The following MMP26 variants were observed in gnomAD, a reference collection of about 807,000 sequenced individuals.
MMP26 encodes matrix metallopeptidase 26, also known as matrix metalloproteinase-26.
Under a neutral mutation model 31.0 loss-of-function variants are expected in MMP26, and 33 were observed. That is an observed-to-expected ratio of 1.06 (90% CI 0.81 to 1.42). The LOEUF is 1.42. Among genes scored for constraint, MMP26 ranks in the 40% most tolerant of loss-of-function variants. The pLI, the probability that MMP26 is intolerant of heterozygous loss-of-function variation, is 0.00. For missense variants in MMP26, 347 were observed against 316.1 expected (o/e 1.10, Z -0.74); for synonymous variants, 122 against 114.9 (o/e 1.06, Z -0.40).
chr11:4,872,656 T>TCA (rs1312962667), intron 2 of MMP26, among the ~76,000 whole-genome samples: 16 of 152,032 alleles, frequency 1.1e-4, no homozygotes, highest in Admixed American at 1.1e-3. Context: ...TATAGTATGC[T>TCA]CATGCCTGTT....
At chr11:4,862,914 C>T (rs1454205543) in intron 2 of MMP26, among the ~76,000 whole-genome samples, 1 of 152,094 alleles carries the variant, frequency 6.6e-6, no homozygotes, top group Non-Finnish European at 1.5e-5. Context: ...GTGATGCCTG[C>T]CTAACCTTCT....
chr11:4,921,116 T>C (rs1299302981), intron 2 of MMP26, among the ~76,000 whole-genome samples: 1 of 152,224 alleles, frequency 6.6e-6, no homozygotes, highest in Non-Finnish European at 1.5e-5. Context: ...AACTGACAAA[T>C]GGCAGAAAGC....
At chr11:4,714,164 A>G (rs1435612754) in intron 1 of MMP26, among the ~76,000 whole-genome samples, 1 of 152,182 alleles carries the variant, frequency 6.6e-6, no homozygotes, top group Non-Finnish European at 1.5e-5. Context: ...GAAAAACATT[A>G]CACTTTACAC....
At chr11:4,971,672 G>A (rs1411491381) in intron 2 of MMP26, among the ~76,000 whole-genome samples, 1 of 152,134 alleles carries the variant, frequency 6.6e-6, no homozygotes, top group Non-Finnish European at 1.5e-5. Flanking sequence ...TGCTGTAAAG[G>A]AAAATGTCTC....
At chr11:4,963,140 A>G (rs1217194657) in intron 2 of MMP26, among the ~76,000 whole-genome samples, 1 of 152,114 alleles carries the variant, frequency 6.6e-6, no homozygotes, top group African/African-American at 2.4e-5. Flanking sequence ...AACAACTGCT[A>G]CGAAGAGAAT....
At chr11:4,912,768 C>A (rs955939672) in intron 2 of MMP26, 1 of 152,028 alleles carries the variant, frequency 6.6e-6, no homozygotes, top group Admixed American at 6.6e-5. Context: ...TTTTCCTTTT[C>A]TTTAATTACA....
At chr11:4,917,421 C>T (rs1000248173) in intron 2 of MMP26, among the ~76,000 whole-genome samples, 2 of 152,180 alleles carry the variant, frequency 1.3e-5, no homozygotes, top group South Asian at 4.1e-4. Context: ...AATTCAGTGT[C>T]AAGTGGCAGA....
chr11:4,726,812 G>T (rs1848106871), intron 1 of MMP26, among the ~76,000 whole-genome samples: 2 of 152,236 alleles, frequency 1.3e-5, no homozygotes, highest in Middle Eastern at 3.4e-3. Context: ...TTTGAGACTA[G>T]CCTAAGCAGT....
chr11:4,715,340 T>TAA (rs58818646), intron 1 of MMP26, among the ~76,000 whole-genome samples: 93,418 of 144,866 alleles, frequency 0.64, 30,315 homozygotes, highest in Non-Finnish European at 0.65. Context: ...TTTTTTCCTG[T>TAA]AAAAAAAAAA....
intron 1 of MMP26, among the ~76,000 whole-genome samples, chr11:4,731,900 G>A (rs780939319): frequency 4.6e-5 from 7 of 152,254 alleles, no homozygotes; most frequent in South Asian, 4.1e-4. Flanking sequence ...TCCTGTCATC[G>A]GGAGGCATGG....
At chr11:4,789,528 C>T (rs575142293) in intron 2 of MMP26, among the ~76,000 whole-genome samples, 1 of 92,940 alleles carries the variant, frequency 1.1e-5, no homozygotes. Flanking sequence ...GATATCCCCC[C>T]ACTTTTTTTT....
At position 4,988,285 on chromosome 11, in the gene MMP26, A is replaced by G. The variant is rs1554895736; in HGVS notation, c.74A>G (p.Asp25Gly). 20 of 1,613,928 alleles carry G rather than the reference A, an allele frequency of 1.2e-5. No individual in the cohort carries two copies. The South Asian group carries it at 2.2e-4, about 18-fold the overall frequency. Residue 25 changes from aspartate (D) to glycine (G), a missense_variant, in exon 3 of 8, where the codon GAC (aspartate) becomes GGC (glycine). Asp to Gly is a moderately conservative substitution (Grantham distance 94). Coordinates refer to ENST00000380390, the MANE Select transcript of MMP26 (RefSeq NM_021801.5). ...GCCGTTCCAGTGCCCCCTGCTGCAG[A>G]CCATAAAGGATGGGACTTTGTTGAG... ...CFAVPVPPAA[D>G]HKGWDFVEGY...
chr11:4,742,610 T>C (rs11033662), intron 1 of MMP26, among the ~76,000 whole-genome samples: 9,403 of 152,178 alleles, frequency 0.062, 678 homozygotes, highest in African/African-American at 0.18. Flanking sequence ...TTTTTATATA[T>C]ATATATGAAA....
intron 2 of MMP26, among the ~76,000 whole-genome samples, chr11:4,815,068 T>C (rs1242890214): frequency 6.6e-6 from 1 of 152,160 alleles, no homozygotes; most frequent in Non-Finnish European, 1.5e-5. Context: ...AAGCAGGAGC[T>C]TCCAGGTAAT....
chr11:4,928,474 A>G (rs1339290218), intron 2 of MMP26, among the ~76,000 whole-genome samples: 2 of 152,170 alleles, frequency 1.3e-5, no homozygotes, highest in East Asian at 1.9e-4. Context: ...TCCAAAATCA[A>G]TGTAAACAAT....
rs545998103 is a variant in MMP26, at chr11:4,881,963, C to A, written c.-144-106105C>A. 1.9e-5 allele frequency: 31 copies of A among 1,613,880 alleles called. 1 individual carries two copies. In the South Asian group the frequency reaches 3.4e-4, roughly 18 times the overall value. ...CTTCCTCCTCACTGCATTCCCTGGGCTGGAATGTGCTCATGTCTGGATCTC... is the reference window on the plus strand; with the variant it reads ...CTTCCTCCTCACTGCATTCCCTGGGATGGAATGTGCTCATGTCTGGATCTC... On this transcript the variant is annotated intron_variant, in intron 2 of 7. Transcript: ENST00000380390.
chr11:4,945,654 C>G (rs1172637004), intron 2 of MMP26: 1 of 161,714 alleles, frequency 6.2e-6, no homozygotes, highest in Non-Finnish European at 1.4e-5. Context: ...GACTGAAAAA[C>G]TATCTATTGG....
chr11:4,851,672 CACA>C (rs529762082), intron 2 of MMP26, among the ~76,000 whole-genome samples: 229 of 151,434 alleles, frequency 1.5e-3, no homozygotes, highest in Middle Eastern at 0.01. Flanking sequence ...ATAATAATAG[CACA>C]ACAAGGGGGA....
intron 2 of MMP26, among the ~76,000 whole-genome samples, chr11:4,940,412 G>A (rs1448087002): frequency 6.6e-6 from 1 of 152,074 alleles, no homozygotes; most frequent in East Asian, 1.9e-4. Flanking sequence ...TTAACATTTA[G>A]TCCATCCTTT....
Sources: gnomAD v4.1 joint callset for allele counts (sites outside exome capture counted in the v4.1 genomes callset) on GRCh38, gnomAD v4.1.1 for gene constraint, MANE v1.5 for transcripts, NCBI Gene and HGNC (gene_info 2026-07-23, HGNC 2026-07-21) for gene names.